The following KCNH1 variants were observed in gnomAD, a reference collection of about 807,000 sequenced individuals.
KCNH1 encodes the protein potassium voltage-gated channel subfamily H member 1.
A neutral mutation model predicts 69.2 loss-of-function variants in KCNH1; 27 were observed. The ratio of observed to expected loss-of-function variants is 0.39; its 90% confidence interval spans 0.29 to 0.54. The LOEUF (loss-of-function observed/expected upper bound fraction) is 0.54. Ranked by LOEUF, KCNH1 falls within the 20% of genes least tolerant of loss-of-function variation. KCNH1 has a pLI of 0.68. For missense variants in KCNH1, 798 were observed against 1,261.6 expected, an observed-to-expected ratio of 0.63 and a Z score of 5.57; for synonymous variants, 456 against 487.7, an observed-to-expected ratio of 0.93 and a Z score of 0.86.
At chr1:211,007,850 C>T (rs1198611809) in intron 6 of KCNH1, among the ~76,000 whole-genome samples, 2 of 152,138 alleles carry the variant, frequency 1.3e-5, no homozygotes, top group Non-Finnish European at 2.9e-5. Flanking sequence ...CCAAATTACA[C>T]ATATTAGATG....
At chr1:210,807,989 G>A (rs1255220207) in intron 7 of KCNH1, among the ~76,000 whole-genome samples, 1 of 152,210 alleles carries the variant, frequency 6.6e-6, no homozygotes, top group South Asian at 2.1e-4. Flanking sequence ...AACAAAAGGA[G>A]CCGGACAAAA....
intron 7 of KCNH1, among the ~76,000 whole-genome samples, chr1:210,807,780 G>T (rs1474871969): frequency 6.6e-6 from 1 of 152,036 alleles, no homozygotes; most frequent in East Asian, 1.9e-4. Context: ...CTATCCCATT[G>T]TATGGATGTA....
At chr1:210,984,364 G>A (rs1022677456) in intron 6 of KCNH1, among the ~76,000 whole-genome samples, 15 of 152,144 alleles carry the variant, frequency 9.9e-5, no homozygotes, top group Non-Finnish European at 1.8e-4. Flanking sequence ...TTTTCAAAGG[G>A]AATGCTTCCA....
intron 6 of KCNH1, among the ~76,000 whole-genome samples, chr1:211,017,588 C>T (rs531020950): frequency 6.6e-6 from 1 of 152,270 alleles, no homozygotes; most frequent in East Asian, 1.9e-4. Flanking sequence ...AACGGAAGGA[C>T]AATTCCCATA....
At chr1:210,893,502 A>G (rs1361227396) in intron 7 of KCNH1, among the ~76,000 whole-genome samples, 1 of 151,438 alleles carries the variant, frequency 6.6e-6, no homozygotes, top group East Asian at 1.9e-4. Context: ...GTGTGTTTTC[A>G]TGTTTCTTCT....
At chr1:210,963,472 G>A (rs941548162) in intron 6 of KCNH1, among the ~76,000 whole-genome samples, 9 of 152,096 alleles carry the variant, frequency 5.9e-5, no homozygotes, top group Admixed American at 1.3e-4. Flanking sequence ...TCAGAAGGTC[G>A]GTAATAACAA....
At chr1:210,917,155 G>C (rs1687350973) in intron 7 of KCNH1, among the ~76,000 whole-genome samples, 2 of 150,678 alleles carry the variant, frequency 1.3e-5, no homozygotes, top group East Asian at 3.9e-4. Context: ...CAAAAAGAGA[G>C]AGAGAAAGAG....
At chr1:210,931,512 G>A (rs917145957) in intron 6 of KCNH1, among the ~76,000 whole-genome samples, 11 of 152,022 alleles carry the variant, frequency 7.2e-5, no homozygotes, top group African/African-American at 2.4e-4. Context: ...TTGGGGACTT[G>A]GGGGAAAGGG....
chr1:210,854,286 AG>A lies in KCNH1; in HGVS notation c.1463-50121del, dbSNP rs530096316. On this transcript the variant is annotated intron_variant, in intron 7 of 10. Transcript: ENST00000271751. Reference sequence around the variant, plus strand: ...CATTTCACAGAATAACAAAAATAGAAGGGGTATCCCCTCAATGTATAAATGA... The same window carrying A: ...CATTTCACAGAATAACAAAAATAGAAGGGTATCCCCTCAATGTATAAATGA... Among the ~76,000 whole-genome samples, 28 of 152,350 alleles carry A rather than the reference AG, an allele frequency of 1.8e-4. 1 individual carries two copies. The South Asian group carries it at 5.4e-3, about 29-fold the overall frequency.
chr1:210,925,855 C>T (rs1269490686), intron 6 of KCNH1, among the ~76,000 whole-genome samples: 2 of 152,204 alleles, frequency 1.3e-5, no homozygotes, highest in African/African-American at 4.8e-5. Context: ...ACCTGAGAAA[C>T]CTGAATACTT....
At chr1:211,063,060 G>A (rs2102451224) in intron 5 of KCNH1, among the ~76,000 whole-genome samples, 2 of 152,288 alleles carry the variant, frequency 1.3e-5, no homozygotes, top group South Asian at 2.1e-4. Flanking sequence ...ATCAACCTAA[G>A]TGTGCATCGA....
At chr1:210,749,718 C>CGTG (rs1683239192) in intron 10 of KCNH1, among the ~76,000 whole-genome samples, 4 of 150,064 alleles carry the variant, frequency 2.7e-5, no homozygotes, top group African/African-American at 9.8e-5. Flanking sequence ...AGGACCCCTG[C>CGTG]ATGACAGGAG....
chr1:211,059,129 A>C (rs1690372343), intron 5 of KCNH1, among the ~76,000 whole-genome samples: 1 of 151,780 alleles, frequency 6.6e-6, no homozygotes, highest in Non-Finnish European at 1.5e-5. Flanking sequence ...AAATACAAAA[A>C]ACTAGCTAGG....
chr1:210,946,451 G>A (rs1029672791), intron 6 of KCNH1, among the ~76,000 whole-genome samples: 2 of 152,076 alleles, frequency 1.3e-5, no homozygotes, highest in Non-Finnish European at 1.5e-5. Flanking sequence ...AAACTAGGGC[G>A]CTTATTTGTA....
chr1:211,001,085 T>C (rs1198877501), intron 6 of KCNH1, among the ~76,000 whole-genome samples: 1 of 152,156 alleles, frequency 6.6e-6, no homozygotes, highest in African/African-American at 2.4e-5. Context: ...GGCAATACCA[T>C]TCAGGACGTA....
At chr1:211,075,745 G>A (rs1690720508) in intron 5 of KCNH1, among the ~76,000 whole-genome samples, 1 of 152,212 alleles carries the variant, frequency 6.6e-6, no homozygotes, top group Non-Finnish European at 1.5e-5. Context: ...AGTGGGTGCA[G>A]CCCACAGAGG....
intron 5 of KCNH1, among the ~76,000 whole-genome samples, chr1:211,069,179 A>G (rs1690588439): frequency 6.6e-6 from 1 of 152,198 alleles, no homozygotes. Context: ...TGTCCCTGCC[A>G]AGGGGTGAGG....
chr1:210,787,069 T>C (rs1015424975), intron 9 of KCNH1, among the ~76,000 whole-genome samples: 15 of 152,170 alleles, frequency 9.9e-5, no homozygotes, highest in South Asian at 2.1e-4. Flanking sequence ...GGCTCTCCAT[T>C]ACCCTCAGTC....
intron 10 of KCNH1, among the ~76,000 whole-genome samples, chr1:210,752,509 A>G (rs942832949): frequency 8.5e-5 from 13 of 152,216 alleles, no homozygotes; most frequent in African/African-American, 2.9e-4. Flanking sequence ...CTGTCAATTA[A>G]CCAAATACTT....
Sources: gnomAD v4.1 joint callset for allele counts (sites outside exome capture counted in the v4.1 genomes callset) on GRCh38, gnomAD v4.1.1 for gene constraint, MANE v1.5 for transcripts, NCBI Gene and HGNC (gene_info 2026-07-23, HGNC 2026-07-21) for gene names.